CYP27C1: variants seen among roughly 807,000 people sequenced by gnomAD.
CYP27C1 encodes cytochrome P450 family 27 subfamily C member 1.
A neutral mutation model predicts 40.6 loss-of-function variants in CYP27C1; 29 were observed. The ratio of observed to expected loss-of-function variants is 0.71; its 90% CI spans 0.53 to 0.97. The LOEUF is 0.97. Among genes scored for constraint, CYP27C1 ranks in the 50% least tolerant of loss-of-function variants. CYP27C1 has a pLI of 0.00. For missense variants in CYP27C1, 390 were observed against 485.8 expected, an observed-to-expected ratio of 0.80 and a Z score of 1.85; for synonymous variants, 198 against 186.8, an observed-to-expected ratio of 1.06 and a Z score of -0.49.
chr2:127,204,609 GAA>G (rs1477721125), intron 2 of CYP27C1, among the ~76,000 whole-genome samples: 1 of 102,628 alleles, frequency 9.7e-6, no homozygotes, highest in Non-Finnish European at 2.0e-5. Flanking sequence ...AAGAAAGAAA[GAA>G]AGAAAGAAAG....
intron 1 of CYP27C1, among the ~76,000 whole-genome samples, chr2:127,206,593 C>A (rs1179212250): frequency 6.6e-6 from 1 of 152,182 alleles, no homozygotes; most frequent in African/African-American, 2.4e-5. Flanking sequence ...CAGGCATGAT[C>A]ATGGAAGTTT....
chr2:127,196,922 T>C lies in CYP27C1; in HGVS notation c.1048-1421A>G, dbSNP rs1473509816. ...GTGGTTTCATAAATGATTCCATCTG[T>C]CAAAAATCTGTATCGCATTATGCAG... On this transcript the variant is annotated intron_variant, in intron 5 of 8. Coordinates refer to ENST00000664447, the MANE Select transcript of CYP27C1 (RefSeq NM_001367502.1). The surrounding 1 kb of genome is among the most constrained non-coding windows in gnomAD (Gnocchi z 4.5). Among the ~76,000 whole-genome samples, 1 of 152,212 alleles carries C rather than the reference T, an allele frequency of 6.6e-6. No homozygotes were observed. Among genetic ancestry groups the C allele is most frequent in the Non-Finnish European group, 1.5e-5 (1 of 68,034 alleles).
rs905052654 is a variant in CYP27C1, at chr2:127,200,155, T to C, written c.884-616A>G. 1.3e-5 allele frequency among the ~76,000 whole-genome samples: 2 copies of C among 152,220 alleles called. No individual in the cohort carries two copies. The highest frequency in any genetic ancestry group is 2.9e-5 in the Non-Finnish European group (2 of 68,038). On this transcript the variant is annotated intron_variant, in intron 4 of 8. Transcript: ENST00000664447. This position sits in a 1 kb window ranked among gnomAD's most constrained non-coding sequence, Gnocchi z 4.2. ...CCACCACGCCCAGCTAATTTTTGTA[T>C]TTTTAGTAGAGACGCAGTTTCGCCA...
At position 127,187,151 on chromosome 2, in the gene CYP27C1, C is replaced by G; in HGVS notation, c.*120G>C. The G allele has an allele frequency of 1.2e-6, 1 of 812,730 alleles. No individual in the cohort carries two copies. The highest frequency in any genetic ancestry group is 1.6e-5 in the South Asian group (1 of 61,070). 50.3% of individuals were successfully genotyped at this position (812,730 alleles called of 1,614,324 possible). A position where few individuals can be genotyped will look rare whatever the true frequency, so the allele number is the denominator to read the frequency against. The stretch of plus-strand genomic sequence containing the variant: ...GTGTCCCAGGACCTGGGAGGCCAGT[C>G]TATAACAAGACAGCCTTTAGCGACA... On this transcript the variant is annotated 3_prime_UTR_variant, in exon 9 of 9. Coordinates refer to ENST00000664447, the MANE Select transcript of CYP27C1 (RefSeq NM_001367502.1).
rs918752114 is a variant in CYP27C1 at position 127,200,306 on chromosome 2, T to G, written c.884-767A>C. 6.6e-6 allele frequency among the ~76,000 whole-genome samples: 1 copy of G among 152,192 alleles called. No individual in the cohort carries two copies. Among genetic ancestry groups the G allele is most frequent in the Non-Finnish European group, 1.5e-5 (1 of 68,032 alleles). ...AAATATTGATCTTGAAAAGACACCATGAAACACTTTATTCAGTGTTAGCAT... is the reference window on the plus strand; with the variant it reads ...AAATATTGATCTTGAAAAGACACCAGGAAACACTTTATTCAGTGTTAGCAT... On this transcript the variant is annotated intron_variant, in intron 4 of 8. Transcript: ENST00000664447. This position sits in a 1 kb window ranked among gnomAD's most constrained non-coding sequence, Gnocchi z 4.2.
rs1213984134 is a variant in CYP27C1, at chr2:127,218,582, C to T, written c.282+1407G>A. On this transcript the variant is annotated intron_variant, in intron 1 of 8. Transcript: ENST00000664447. The surrounding 1 kb of genome is among the most constrained non-coding windows in gnomAD (Gnocchi z 6.0). ...ATTCCCGGCCGAATTAAAATTGCTCCTCGCACGCCCGTTTTTCCATTAATG... is the reference window on the plus strand; with the variant it reads ...ATTCCCGGCCGAATTAAAATTGCTCTTCGCACGCCCGTTTTTCCATTAATG... Among the ~76,000 whole-genome samples the T allele has an allele frequency of 6.6e-6, 1 of 152,086 alleles. No individual in the cohort carries two copies. The highest frequency in any genetic ancestry group is 2.4e-5 in the African/African-American group (1 of 41,412).
Position 127,204,555 on chromosome 2 carries a change from GAGAAAGAAAGAA to G in CYP27C1, c.474-996_474-985del, listed in dbSNP as rs1169099297. On this transcript the variant is annotated intron_variant, in intron 2 of 8. Coordinates refer to ENST00000664447, the MANE Select transcript of CYP27C1 (RefSeq NM_001367502.1). ...AAAGAAAGAGAGAGAGAGAGAGAGA[GAGAAAGAAAGAA>G]AGAAAGAAAGAAAGAAAGAAAGAAA... Among the ~76,000 whole-genome samples the G allele has an allele frequency of 6.6e-3, 259 of 39,134 alleles. 2 individuals carry two copies. The highest frequency in any genetic ancestry group is 0.011 in the African/African-American group (115 of 10,508). The allele number at this position is 39,134 out of a possible 152,430, so 25.7% of individuals were successfully genotyped here.
rs1189914450 is a variant in CYP27C1, at chr2:127,195,312, A to T, written c.1214+23T>A. ...GGGACCTAAGGGACACAGTTTGTTG[A>T]CGGATTCTGGCGAGCCTTTTACCTC... is the stretch of plus-strand genomic sequence containing the variant. On this transcript the variant is annotated intron_variant, in intron 6 of 8. Transcript: ENST00000664447. The surrounding 1 kb of genome is among the most constrained non-coding windows in gnomAD (Gnocchi z 6.2). The T allele has an allele frequency of 3.1e-6, 5 of 1,613,722 alleles. No individual in the cohort carries two copies. Among genetic ancestry groups the T allele is most frequent in the Non-Finnish European group, 4.2e-6 (5 of 1,179,874 alleles).
rs1266563623 is a variant in CYP27C1 at position 127,200,957 on chromosome 2, C to T, written c.883+165G>A. Among the ~76,000 whole-genome samples the T allele has an allele frequency of 3.3e-5, 5 of 150,624 alleles. No homozygotes were observed. Among genetic ancestry groups the T allele is most frequent in the African/African-American group, 9.8e-5 (4 of 40,916 alleles). On this transcript the variant is annotated intron_variant, in intron 4 of 8. Transcript: ENST00000664447. The surrounding 1 kb of genome is among the most constrained non-coding windows in gnomAD (Gnocchi z 4.2). Reference sequence around the variant, plus strand: ...CAGCATGGGCGACAGAGCCAGACTCCGTCTCAAAAAAAAAAAAAATCCAAA... The same window carrying T: ...CAGCATGGGCGACAGAGCCAGACTCTGTCTCAAAAAAAAAAAAAATCCAAA...
rs963467718 is a variant in CYP27C1 at position 127,215,092 on chromosome 2, G to A, written c.282+4897C>T. 8.2e-5 allele frequency among the ~76,000 whole-genome samples: 12 copies of A among 145,474 alleles called. No homozygotes were observed. In the South Asian group the frequency reaches 2.0e-3, roughly 24 times the overall value. Reference sequence around the variant, plus strand: ...TGCAGTGAGCTGAGATCGCACCACCGCACTCATGCCTGGGCGACAGAGTGA... The same window carrying A: ...TGCAGTGAGCTGAGATCGCACCACCACACTCATGCCTGGGCGACAGAGTGA... On this transcript the variant is annotated intron_variant, in intron 1 of 8. Transcript: ENST00000664447.
At chr2:127,194,387 T>A (rs1208113113) in intron 6 of CYP27C1, among the ~76,000 whole-genome samples, 1 of 152,182 alleles carries the variant, frequency 6.6e-6, no homozygotes, top group Non-Finnish European at 1.5e-5. Context: ...CATTATCAAG[T>A]CAGCTTTGAA....
intron 2 of CYP27C1, among the ~76,000 whole-genome samples, chr2:127,204,352 G>GGGGGAGGGAGGGAGGAGGGAGC (rs1683117491): frequency 3.2e-5 from 1 of 31,062 alleles, no homozygotes; most frequent in Non-Finnish European, 5.4e-5. Context: ...GAGGAGGGAG[G>GGGGGAGGGAGGGAGGAGGGAGC]GGGGAGGGAG....
rs1573897897 is a variant in CYP27C1, at chr2:127,200,304, C to A, written c.884-765G>T. Among the ~76,000 whole-genome samples the A allele has an allele frequency of 6.6e-6, 1 of 152,278 alleles. No individual in the cohort carries two copies. The highest frequency in any genetic ancestry group is 1.9e-4 in the East Asian group (1 of 5,180). On this transcript the variant is annotated intron_variant, in intron 4 of 8. Coordinates refer to ENST00000664447, the MANE Select transcript of CYP27C1 (RefSeq NM_001367502.1). This position sits in a 1 kb window ranked among gnomAD's most constrained non-coding sequence, Gnocchi z 4.2. ...CTAAATATTGATCTTGAAAAGACACCATGAAACACTTTATTCAGTGTTAGC... is the reference window on the plus strand; with the variant it reads ...CTAAATATTGATCTTGAAAAGACACAATGAAACACTTTATTCAGTGTTAGC...
chr2:127,190,417 A>G (rs1682741266), intron 8 of CYP27C1, among the ~76,000 whole-genome samples: 1 of 134,328 alleles, frequency 7.4e-6, no homozygotes, highest in African/African-American at 2.8e-5. Context: ...ATCTCAGCTC[A>G]CTGCAACCTC....
intron 1 of CYP27C1, among the ~76,000 whole-genome samples, chr2:127,211,919 A>C (rs1683346020): frequency 1.3e-5 from 2 of 152,086 alleles, no homozygotes. Context: ...TTTTTGGAAA[A>C]AATTAACTAA....
intron 1 of CYP27C1, among the ~76,000 whole-genome samples, chr2:127,207,442 C>T (rs372608716): frequency 3.9e-5 from 6 of 152,102 alleles, no homozygotes; most frequent in Admixed American, 6.5e-5. Flanking sequence ...TGCAGTGAGC[C>T]GCAAGACTGC....
At chr2:127,210,408 C>T (rs963748855) in intron 1 of CYP27C1, among the ~76,000 whole-genome samples, 3 of 152,136 alleles carry the variant, frequency 2.0e-5, no homozygotes, top group Non-Finnish European at 2.9e-5. Flanking sequence ...TGCAAAAACA[C>T]ACCAAAATAT....
At chr2:127,202,844 T>C (rs981380803) in intron 3 of CYP27C1, among the ~76,000 whole-genome samples, 11 of 151,756 alleles carry the variant, frequency 7.2e-5, no homozygotes, top group African/African-American at 1.2e-4. Flanking sequence ...AAAAGAGGGA[T>C]GGGGGTGTGG....
In CYP27C1 at chr2:127,184,211, TGC is replaced by T. The variant is rs1573885089; in HGVS notation, c.*3058_*3059del. 3.9e-5 allele frequency: 6 copies of T among 152,260 alleles called. No homozygotes were observed. The East Asian group carries it at 1.2e-3, about 29-fold the overall frequency. The allele number at this position is 152,260 out of a possible 1,614,324, so 9.4% of individuals were successfully genotyped here. ...AGTCAGCATTCAAATTTCCCCGAGTTGCTCTCTTTTTTTCATGCATTGGAAGA... is the reference window on the plus strand; with the variant it reads ...AGTCAGCATTCAAATTTCCCCGAGTTTCTCTTTTTTTCATGCATTGGAAGA... On this transcript the variant is annotated 3_prime_UTR_variant, in exon 9 of 9. Coordinates refer to ENST00000664447, the MANE Select transcript of CYP27C1 (RefSeq NM_001367502.1).
Sources: allele counts gnomAD v4.1 joint callset (sites outside exome capture counted in the v4.1 genomes callset), GRCh38; gene constraint gnomAD v4.1.1; non-coding constraint Gnocchi (gnomAD v3.1); transcripts MANE v1.5; gene names NCBI Gene and HGNC (gene_info 2026-07-23, HGNC 2026-07-21).